GLRA3: variants seen among roughly 807,000 people sequenced by gnomAD.
The protein encoded by GLRA3 is glycine receptor alpha 3, also known as glycine receptor subunit alpha-3.
Under a neutral mutation model 60.4 loss-of-function variants are expected in GLRA3, and 44 were observed. That is an observed-to-expected ratio of 0.73 (90% CI 0.57 to 0.94). GLRA3 has a LOEUF of 0.94. Among genes scored for constraint, GLRA3 ranks in the 40% least tolerant of loss-of-function variants. The pLI is 0.00. For synonymous variants in GLRA3, 223 were observed against 192.9 expected, an observed-to-expected ratio of 1.16 and a Z score of -1.29; for missense variants, 508 against 564.6, an observed-to-expected ratio of 0.90 and a Z score of 1.02.
At chr4:174,676,993 A>G (rs1160060346) in intron 7 of GLRA3, 85 bp downstream of exon 7, 2 of 796,302 alleles carry the variant, frequency 2.5e-6, no homozygotes, top group African/African-American at 3.4e-5. Context: ...CCATTGAAAA[A>G]TATCTGACCA....
At chr4:174,778,877 G>A (rs897274952) in intron 2 of GLRA3, among the ~76,000 whole-genome samples, 5 of 152,192 alleles carry the variant, frequency 3.3e-5, no homozygotes, top group Non-Finnish European at 5.9e-5. Context: ...ACTGCAAGGC[G>A]GCAGTGAGGC....
At chr4:174,810,218 A>G (rs28664890) in intron 1 of GLRA3, among the ~76,000 whole-genome samples, 3,574 of 152,216 alleles carry the variant, frequency 0.023, 136 homozygotes, top group African/African-American at 0.081. Context: ...AGAGAAGAAC[A>G]GAGCAAAGGA....
At chr4:174,688,548 G>A (rs911080909) in intron 5 of GLRA3, among the ~76,000 whole-genome samples, 1 of 148,340 alleles carries the variant, frequency 6.7e-6, no homozygotes, top group African/African-American at 2.5e-5. Context: ...ATTTGAATTA[G>A]AAATAGAGAA....
At chr4:174,699,333 T>G (rs1735205987) in intron 5 of GLRA3, among the ~76,000 whole-genome samples, 1 of 152,128 alleles carries the variant, frequency 6.6e-6, no homozygotes, top group Non-Finnish European at 1.5e-5. Context: ...TTTTTAAAAT[T>G]TAAACAGAAA....
intron 3 of GLRA3, among the ~76,000 whole-genome samples, chr4:174,746,189 A>G (rs149167562): frequency 6.6e-6 from 1 of 152,190 alleles, no homozygotes; most frequent in African/African-American, 2.4e-5. Flanking sequence ...GGATACCTGC[A>G]CTTGTACGTT....
intron 5 of GLRA3, among the ~76,000 whole-genome samples, chr4:174,689,302 G>A (rs1486350942): frequency 2.6e-5 from 4 of 152,142 alleles, no homozygotes; most frequent in East Asian, 3.9e-4. Context: ...CTATTTGCAA[G>A]TATTGCAGTA....
intron 2 of GLRA3, among the ~76,000 whole-genome samples, chr4:174,771,307 A>G (rs10004000): frequency 0.29 from 43,781 of 151,950 alleles, 6,788 homozygotes; most frequent in Non-Finnish European, 0.35. Context: ...TCAGAAGATA[A>G]TTTTTTCTTA....
chr4:174,819,806 C>T (rs981329571), intron 1 of GLRA3, among the ~76,000 whole-genome samples: 2 of 152,038 alleles, frequency 1.3e-5, no homozygotes, highest in Non-Finnish European at 2.9e-5. Context: ...ATTCTGATCC[C>T]AGAACTCTGA....
chr4:174,783,467 A>G (rs1166704664), intron 2 of GLRA3, among the ~76,000 whole-genome samples: 2 of 136,350 alleles, frequency 1.5e-5, no homozygotes, highest in Admixed American at 7.4e-5. Context: ...AAATTGACAA[A>G]TGGGACCTAA....
At chr4:174,665,258 C>CTTTTTTTTTTTTTTTTT (rs1733617762) in intron 7 of GLRA3, among the ~76,000 whole-genome samples, 1 of 59,598 alleles carries the variant, frequency 1.7e-5, no homozygotes. Context: ...TTTTTTTTTG[C>CTTTTTTTTTTTTTTTTT]TATTACTTTG....
intron 9 of GLRA3, among the ~76,000 whole-genome samples, chr4:174,646,340 T>C (rs2110845901): frequency 6.6e-6 from 1 of 152,352 alleles, no homozygotes; most frequent in African/African-American, 2.4e-5. Context: ...TTTTCTCAAT[T>C]GTATCTTTCC....
At chr4:174,775,756 T>C (rs1738572223) in intron 2 of GLRA3, among the ~76,000 whole-genome samples, 1 of 152,204 alleles carries the variant, frequency 6.6e-6, no homozygotes, top group African/African-American at 2.4e-5. Context: ...ATGCTTCTAG[T>C]TTCAGATGAC....
chr4:174,696,292 A>T (rs1735050229), intron 5 of GLRA3, among the ~76,000 whole-genome samples: 1 of 151,732 alleles, frequency 6.6e-6, no homozygotes, highest in Non-Finnish European at 1.5e-5. Context: ...GTGCTATACA[A>T]GTTCTGGATT....
chr4:174,828,600 C>A, intron 1 of GLRA3, 141 bp downstream of exon 1: 1 of 625,512 alleles, frequency 1.6e-6, no homozygotes, highest in Non-Finnish European at 2.9e-6. Flanking sequence ...ATAATTTAGA[C>A]AGAAAACAAT....
At chr4:174,726,583 T>C (rs1012032816) in intron 4 of GLRA3, among the ~76,000 whole-genome samples, 9 of 152,224 alleles carry the variant, frequency 5.9e-5, no homozygotes, top group African/African-American at 2.2e-4. Context: ...GATGTTGCCA[T>C]GTTGCCAGTT....
intron 4 of GLRA3, among the ~76,000 whole-genome samples, chr4:174,725,196 G>C (rs564199921): frequency 4.6e-5 from 7 of 152,224 alleles, no homozygotes; most frequent in Non-Finnish European, 8.8e-5. Flanking sequence ...CAGGCCCCAC[G>C]GCCAATCTAT....
At chr4:174,741,054 T>G (rs1737002952) in intron 3 of GLRA3, among the ~76,000 whole-genome samples, 1 of 152,222 alleles carries the variant, frequency 6.6e-6, no homozygotes, top group African/African-American at 2.4e-5. Flanking sequence ...GTATGGGATT[T>G]TATGTAAGCA....
At chr4:174,692,164 CT>C (rs1734852219) in intron 5 of GLRA3, among the ~76,000 whole-genome samples, 2 of 152,014 alleles carry the variant, frequency 1.3e-5, no homozygotes, top group Non-Finnish European at 2.9e-5. Flanking sequence ...AGCAGCCACC[CT>C]GTCTGGGAAG....
At chr4:174,826,921 T>C (rs1740995061) in intron 1 of GLRA3, among the ~76,000 whole-genome samples, 1 of 150,142 alleles carries the variant, frequency 6.7e-6, no homozygotes, top group Non-Finnish European at 1.5e-5. Flanking sequence ...GGGTCATCAC[T>C]AAAAGTGAAA....
Sources: allele counts gnomAD v4.1 joint callset (sites outside exome capture counted in the v4.1 genomes callset), GRCh38; gene constraint gnomAD v4.1.1; transcripts MANE v1.5; gene names NCBI Gene and HGNC (gene_info 2026-07-23, HGNC 2026-07-21).